FRMD4A: variants seen among roughly 807,000 people sequenced by gnomAD.
FRMD4A encodes FERM domain-containing protein 4A.
FRMD4A carries 29 observed loss-of-function variants against 129.1 expected under a neutral mutation model. The ratio of observed to expected loss-of-function variants is 0.22; its 90% confidence interval spans 0.17 to 0.31. The LOEUF is 0.31. FRMD4A is among the 10% of genes least tolerant of loss of function. The pLI is 1.00. For synonymous variants in FRMD4A, 634 were observed against 571.6 expected (o/e 1.11, Z -1.56); for missense variants, 1,272 against 1,375.8 (o/e 0.92, Z 1.19).
chr10:13,650,585 C>T (rs74121355), intron 24 of FRMD4A, among the ~76,000 whole-genome samples: 7,328 of 152,186 alleles, frequency 0.048, 498 homozygotes, highest in African/African-American at 0.15. Flanking sequence ...GCCATTCTTC[C>T]TACTTCAAAA....
chr10:13,820,782 ACTGCCTGCCCATCCACTCTGCCCGG>A lies in FRMD4A; in HGVS notation c.112-9899_112-9875del, dbSNP rs2093618638. ...CCACAGCCGCCGCTCTGTGCCCAGC[ACTGCCTGCCCATCCACTCTGCCCGG>A]GACCCCGGGACCTGCTGGATGGGTG... On this transcript the variant is annotated intron_variant, in intron 3 of 24. Transcript: ENST00000357447. 5.3e-5 allele frequency among the ~76,000 whole-genome samples: 8 copies of A among 152,216 alleles called. No homozygotes were observed. The South Asian group carries it at 1.7e-3, about 32-fold the overall frequency.
At chr10:14,118,656 C>A (rs1315181693) in intron 2 of FRMD4A, among the ~76,000 whole-genome samples, 1 of 152,170 alleles carries the variant, frequency 6.6e-6, no homozygotes, top group Non-Finnish European at 1.5e-5. Context: ...GAAGGAAGAG[C>A]AAAGTCATGT....
At chr10:14,179,482 C>G (rs969287391) in intron 2 of FRMD4A, among the ~76,000 whole-genome samples, 1 of 152,156 alleles carries the variant, frequency 6.6e-6, no homozygotes, top group East Asian at 1.9e-4. Flanking sequence ...TCTCCTTCCC[C>G]CTTTTTCTCT....
chr10:14,157,604 C>G (rs1840667707), intron 2 of FRMD4A, among the ~76,000 whole-genome samples: 1 of 152,208 alleles, frequency 6.6e-6, no homozygotes, highest in Non-Finnish European at 1.5e-5. Context: ...CAACACAGCC[C>G]TTGCTGTGGG....
intron 12 of FRMD4A, among the ~76,000 whole-genome samples, chr10:13,711,315 C>T (rs1324925992): frequency 3.9e-5 from 6 of 152,264 alleles, no homozygotes; most frequent in African/African-American, 1.4e-4. Context: ...GCAAACACAA[C>T]AATCAAATCA....
intron 2 of FRMD4A, among the ~76,000 whole-genome samples, chr10:14,227,410 C>T (rs941704466): frequency 6.6e-6 from 1 of 151,768 alleles, no homozygotes; most frequent in Non-Finnish European, 1.5e-5. Flanking sequence ...TACCACTAAC[C>T]CCGGCTAATT....
chr10:14,136,022 C>T (rs1026245240), intron 2 of FRMD4A, among the ~76,000 whole-genome samples: 1 of 152,200 alleles, frequency 6.6e-6, no homozygotes, highest in African/African-American at 2.4e-5. Flanking sequence ...GACTCTCTGG[C>T]TGCCATGTCT....
chr10:13,905,316 G>A (rs182176206), intron 2 of FRMD4A, among the ~76,000 whole-genome samples: 157 of 152,252 alleles, frequency 1.0e-3, no homozygotes, highest in Non-Finnish European at 1.9e-3. Context: ...TGTAAACTAT[G>A]AATTGTTTTC....
intron 2 of FRMD4A, among the ~76,000 whole-genome samples, chr10:13,860,113 A>C (rs2131042160): frequency 6.6e-6 from 1 of 152,316 alleles, no homozygotes; most frequent in Non-Finnish European, 1.5e-5. Flanking sequence ...CTTCTCATGG[A>C]TGTCAACTGG....
At chr10:14,203,836 CATTTGAATTGTGCCTAAA>C (rs981574230) in intron 2 of FRMD4A, among the ~76,000 whole-genome samples, 2 of 152,220 alleles carry the variant, frequency 1.3e-5, no homozygotes, top group African/African-American at 4.8e-5. Context: ...GAAAAGCATT[CATTTGAATTGTGCCTAAA>C]GTTATTCCAG....
At chr10:13,871,170 G>A (rs17154116) in intron 2 of FRMD4A, 4,332 of 132,848 alleles carry the variant, frequency 0.033, 180 homozygotes, top group African/African-American at 0.12. Context: ...TGCCCTGCAC[G>A]ACTTCACTGA....
rs545631043 is a variant in FRMD4A at position 13,649,141 on chromosome 10, T to C, written c.*3-2106A>G. ...ATGAAATGTAGTTGACTCTCTTGTA[T>C]GTTGGATCCTAAACAGTTTCTGGTT... is the stretch of plus-strand genomic sequence containing the variant. On this transcript the variant is annotated intron_variant, in intron 24 of 24. Transcript: ENST00000357447. The C allele has an allele frequency of 3.3e-5, 5 of 152,356 alleles. No homozygotes were observed. The South Asian group carries it at 1.0e-3, about 32-fold the overall frequency. The allele number at this position is 152,356 out of a possible 1,614,324, so 9.4% of individuals were successfully genotyped here. A position where few individuals can be genotyped will look rare whatever the true frequency, so the allele number is the denominator to read the frequency against.
intron 12 of FRMD4A, among the ~76,000 whole-genome samples, chr10:13,709,216 G>A (rs542198964): frequency 6.6e-5 from 10 of 152,214 alleles, no homozygotes; most frequent in South Asian, 4.2e-4. Context: ...TGCCCGCCTC[G>A]GCCTCCCAAA....
chr10:14,031,233 TA>T (rs1337057751), intron 2 of FRMD4A, among the ~76,000 whole-genome samples: 1 of 152,040 alleles, frequency 6.6e-6, no homozygotes, highest in Admixed American at 6.6e-5. Context: ...GTGGAGACAC[TA>T]ATCTTTACTG....
chr10:13,856,441 C>T (rs2094215325), intron 3 of FRMD4A, among the ~76,000 whole-genome samples: 2 of 152,046 alleles, frequency 1.3e-5, no homozygotes, highest in African/African-American at 4.8e-5. Flanking sequence ...AGATCTAGCC[C>T]TCAAACTGTT....
intron 15 of FRMD4A, among the ~76,000 whole-genome samples, chr10:13,682,479 T>C (rs1431513260): frequency 2.7e-5 from 4 of 149,984 alleles, no homozygotes; most frequent in African/African-American, 7.4e-5. Context: ...AGAGACATCA[T>C]TCCCATTTTC....
At chr10:13,660,990 C>A (rs1245508704) in intron 19 of FRMD4A, among the ~76,000 whole-genome samples, 2 of 152,100 alleles carry the variant, frequency 1.3e-5, no homozygotes, top group South Asian at 2.1e-4. Context: ...GCTGCTAGAT[C>A]CTCAGCCGAC....
intron 5 of FRMD4A, among the ~76,000 whole-genome samples, chr10:13,793,961 G>A (rs2093058407): frequency 6.6e-6 from 1 of 152,118 alleles, no homozygotes; most frequent in African/African-American, 2.4e-5. Flanking sequence ...GGAACTCAGG[G>A]TAGTGAGGGT....
Position 14,329,919 on chromosome 10 carries a change from G to A in FRMD4A, c.45+139C>T. On this transcript the variant is annotated intron_variant, in intron 2 of 24. Coordinates refer to ENST00000357447, the MANE Select transcript of FRMD4A (RefSeq NM_018027.5). ...CATGCTGATACTCTGACCCAAGAAAGCATTTCCAAAGAGCCTGCGGGATAA... is the reference window on the plus strand; with the variant it reads ...CATGCTGATACTCTGACCCAAGAAAACATTTCCAAAGAGCCTGCGGGATAA... The A allele has an allele frequency of 3.9e-6, 3 of 766,606 alleles. No homozygotes were observed. The Admixed American group carries it at 6.6e-5, about 17-fold the overall frequency. The allele number at this position is 766,606 out of a possible 1,614,324, so 47.5% of individuals were successfully genotyped here.
Sources: gnomAD v4.1 joint callset for allele counts (sites outside exome capture counted in the v4.1 genomes callset) on GRCh38, gnomAD v4.1.1 for gene constraint, MANE v1.5 for transcripts, NCBI Gene and HGNC (gene_info 2026-07-23, HGNC 2026-07-21) for gene names.